Variants in CNTNAP5 observed in about 807,000 individuals in gnomAD.
CNTNAP5 encodes contactin associated protein family member 5.
In CNTNAP5, 72 loss-of-function variants were observed where a neutral mutation model predicts 150.2. The ratio of observed to expected loss-of-function variants is 0.48; its 90% CI spans 0.40 to 0.58. The LOEUF is 0.58. Ranked by LOEUF, CNTNAP5 falls within the 20% of genes least tolerant of loss-of-function variation. The probability of loss-of-function intolerance (pLI) is 0.00; values close to 1 mark genes in which losing one functional copy is unlikely to be tolerated. For synonymous variants in CNTNAP5, 672 were observed against 619.8 expected (o/e 1.08, Z -1.25); for missense variants, 1,636 against 1,626.2 (o/e 1.01, Z -0.10).
intron 19 of CNTNAP5, among the ~76,000 whole-genome samples, chr2:124,857,860 C>G (rs932764023): frequency 6.6e-6 from 1 of 151,688 alleles, no homozygotes; most frequent in African/African-American, 2.4e-5. Flanking sequence ...AACATATACA[C>G]CCAATTCAAG....
At position 124,356,057 on chromosome 2, in the gene CNTNAP5, T is replaced by C. The variant is rs192377333; in HGVS notation, c.382-61386T>C. On this transcript the variant is annotated intron_variant, in intron 3 of 23. Transcript: ENST00000682447. The stretch of plus-strand genomic sequence containing the variant: ...ACAGATAAAATATAGTTAAAAACAT[T>C]TTCCTCTTTCTAAGCCTTGGTAGTC... 1.6e-3 allele frequency among the ~76,000 whole-genome samples: 249 copies of C among 152,298 alleles called. 2 individuals carry two copies. Among genetic ancestry groups the C allele is most frequent in the African/African-American group, 5.7e-3 (236 of 41,574 alleles).
chr2:124,535,865 G>A (rs1695219850), intron 10 of CNTNAP5, among the ~76,000 whole-genome samples: 1 of 152,126 alleles, frequency 6.6e-6, no homozygotes, highest in African/African-American at 2.4e-5. Context: ...GTTGGTTCAG[G>A]GTTTGGAGTA....
At chr2:124,778,721 A>G (rs1277095664) in intron 17 of CNTNAP5, 2 of 152,228 alleles carry the variant, frequency 1.3e-5, no homozygotes, top group Non-Finnish European at 2.9e-5. Context: ...GGGAAATTAT[A>G]AGCCTACCTA....
intron 3 of CNTNAP5, among the ~76,000 whole-genome samples, chr2:124,362,885 T>G (rs1329425617): frequency 6.6e-6 from 1 of 152,210 alleles, no homozygotes; most frequent in Non-Finnish European, 1.5e-5. Flanking sequence ...GTTCTATCAC[T>G]GCTCAATAAA....
intron 1 of CNTNAP5, among the ~76,000 whole-genome samples, chr2:124,087,670 T>C (rs1464991687): frequency 1.3e-5 from 2 of 151,772 alleles, no homozygotes; most frequent in African/African-American, 4.9e-5. Flanking sequence ...TACAGTGAGC[T>C]GAGATGGTGC....
At chr2:124,513,719 T>A (rs1319805271) in intron 8 of CNTNAP5, among the ~76,000 whole-genome samples, 1 of 152,180 alleles carries the variant, frequency 6.6e-6, no homozygotes, top group Non-Finnish European at 1.5e-5. Context: ...AACCCAGGAA[T>A]GAGTTATACT....
intron 3 of CNTNAP5, among the ~76,000 whole-genome samples, chr2:124,351,965 C>T (rs1379913096): frequency 6.6e-6 from 1 of 151,978 alleles, no homozygotes; most frequent in Admixed American, 6.6e-5. Context: ...GGAAGAAACA[C>T]AGAGGAAGGA....
chr2:124,202,979 G>A (rs1372352561), intron 1 of CNTNAP5, among the ~76,000 whole-genome samples: 3 of 151,884 alleles, frequency 2.0e-5, no homozygotes, highest in African/African-American at 4.8e-5. Flanking sequence ...CCCAACAGTC[G>A]CCCAAAGTCT....
chr2:124,354,038 A>G (rs1433158793), intron 3 of CNTNAP5, among the ~76,000 whole-genome samples: 25 of 152,228 alleles, frequency 1.6e-4, no homozygotes, highest in Non-Finnish European at 7.3e-5. Flanking sequence ...ACAGGATTCC[A>G]GAAGACTTGA....
chr2:124,425,549 TA>T lies in CNTNAP5; in HGVS notation c.529+7960del, dbSNP rs143457191. ...GTGAAACCTTTTGCTAACCTGTCTA[TA>T]CCTTAGTGGAGTGATCACTATCTTC... is the stretch of plus-strand genomic sequence containing the variant. On this transcript the variant is annotated intron_variant, in intron 4 of 23. Coordinates refer to ENST00000682447, the MANE Select transcript of CNTNAP5 (RefSeq NM_001367498.1). Among the ~76,000 whole-genome samples the T allele has an allele frequency of 1.4e-3, 218 of 152,324 alleles. 4 individuals carry two copies. The East Asian group carries it at 0.04, about 28-fold the overall frequency.
intron 1 of CNTNAP5, among the ~76,000 whole-genome samples, chr2:124,215,860 AAAT>A (rs1686144244): frequency 6.6e-6 from 1 of 152,186 alleles, no homozygotes; most frequent in South Asian, 2.1e-4. Flanking sequence ...CAGTTGTTAT[AAAT>A]AATACTACTA....
At chr2:124,812,422 A>T (rs183658802) in intron 19 of CNTNAP5, among the ~76,000 whole-genome samples, 1 of 151,882 alleles carries the variant, frequency 6.6e-6, no homozygotes, top group East Asian at 2.0e-4. Context: ...GTTAACTTCA[A>T]GAACTGGTTT....
At chr2:124,631,710 A>G (rs950346729) in intron 12 of CNTNAP5, among the ~76,000 whole-genome samples, 3 of 152,228 alleles carry the variant, frequency 2.0e-5, no homozygotes, top group Admixed American at 2.0e-4. Flanking sequence ...ACAAAACCAA[A>G]AATTGACAAA....
At chr2:124,373,167 A>T (rs1021278220) in intron 3 of CNTNAP5, among the ~76,000 whole-genome samples, 1 of 152,178 alleles carries the variant, frequency 6.6e-6, no homozygotes, top group African/African-American at 2.4e-5. Flanking sequence ...GGAACATTCG[A>T]TAAATTTTTT....
intron 12 of CNTNAP5, among the ~76,000 whole-genome samples, chr2:124,638,168 C>CTA (rs903757184): frequency 1.3e-3 from 189 of 140,014 alleles, no homozygotes; most frequent in African/African-American, 4.0e-3. Context: ...ATTCTGTCTT[C>CTA]TATATATATA....
At chr2:124,530,761 G>A (rs1032847445) in intron 10 of CNTNAP5, among the ~76,000 whole-genome samples, 3 of 152,058 alleles carry the variant, frequency 2.0e-5, no homozygotes, top group South Asian at 2.1e-4. Context: ...CCCTGTTCAC[G>A]GTCCTTCTAA....
intron 1 of CNTNAP5, among the ~76,000 whole-genome samples, chr2:124,093,458 C>T (rs1002556416): frequency 1.3e-5 from 2 of 152,192 alleles, no homozygotes; most frequent in Non-Finnish European, 1.5e-5. Flanking sequence ...GCACAGACAA[C>T]TCAGAACTGA....
intron 11 of CNTNAP5, 85 bp downstream of exon 11, chr2:124,563,408 G>T: frequency 2.6e-6 from 2 of 780,188 alleles, no homozygotes; most frequent in Non-Finnish European, 4.3e-6. Flanking sequence ...TTTAGCATGG[G>T]GCAGGCATGT....
chr2:124,890,958 A>T (rs1024276570), intron 21 of CNTNAP5, among the ~76,000 whole-genome samples: 26 of 152,144 alleles, frequency 1.7e-4, no homozygotes, highest in African/African-American at 6.0e-4. Flanking sequence ...GCAATGAGCT[A>T]AAAAGAGCTT....
Sources: allele counts gnomAD v4.1 joint callset (sites outside exome capture counted in the v4.1 genomes callset), GRCh38; gene constraint gnomAD v4.1.1; transcripts MANE v1.5; gene names NCBI Gene and HGNC (gene_info 2026-07-23, HGNC 2026-07-21).